Variants in ITGAM observed in about 807,000 individuals in gnomAD.
ITGAM encodes the protein integrin subunit alpha M.
Under a neutral mutation model 137.5 loss-of-function variants are expected in ITGAM, and 79 were observed. The ratio of observed to expected loss-of-function variants is 0.57; its 90% CI spans 0.48 to 0.69. The LOEUF (loss-of-function observed/expected upper bound fraction) is 0.69. ITGAM is among the 30% of genes least tolerant of loss of function. The pLI is 0.00. For synonymous variants in ITGAM, 583 were observed against 592.3 expected, an observed-to-expected ratio of 0.98 and a Z score of 0.23; for missense variants, 1,343 against 1,483.5, an observed-to-expected ratio of 0.91 and a Z score of 1.56.
intron 14 of ITGAM, among the ~76,000 whole-genome samples, chr16:31,306,656 A>C (rs34072967): frequency 0.4 from 60,574 of 151,730 alleles, 16,305 homozygotes; most frequent in African/African-American, 0.77. Flanking sequence ...GGATTACAGG[A>C]GTGCGCCACC....
intron 2 of ITGAM, among the ~76,000 whole-genome samples, chr16:31,263,562 T>C (rs2079729236): frequency 6.6e-6 from 1 of 152,042 alleles, no homozygotes; most frequent in Non-Finnish European, 1.5e-5. Flanking sequence ...ATCGAGTAGG[T>C]GAGAAGTGGT....
chr16:31,265,970 G>A, intron 4 of ITGAM, 60 bp from the exon 5 acceptor site: 2 of 1,590,390 alleles, frequency 1.3e-6, no homozygotes, highest in Non-Finnish European at 1.7e-6. Flanking sequence ...GAGGGTGGAG[G>A]TGCTGGGGTA....
intron 16 of ITGAM, among the ~76,000 whole-genome samples, chr16:31,322,089 G>C (rs2080456930): frequency 6.6e-6 from 1 of 152,154 alleles, no homozygotes; most frequent in African/African-American, 2.4e-5. Flanking sequence ...ACTGTCTCTA[G>C]TAGTGACAGC....
At chr16:31,301,137 C>T (rs1803957721) in intron 14 of ITGAM, among the ~76,000 whole-genome samples, 1 of 152,160 alleles carries the variant, frequency 6.6e-6, no homozygotes, top group Admixed American at 6.6e-5. Context: ...GTGTCATAGC[C>T]ATAAACTCAT....
chr16:31,315,462 A>G (rs2080381222), intron 14 of ITGAM, among the ~76,000 whole-genome samples: 1 of 151,572 alleles, frequency 6.6e-6, no homozygotes, highest in Admixed American at 6.6e-5. Flanking sequence ...TTATTTTTTA[A>G]TTTAATTTTA....
intron 14 of ITGAM, among the ~76,000 whole-genome samples, chr16:31,306,838 A>T (rs1019920902): frequency 6.6e-6 from 1 of 152,140 alleles, no homozygotes; most frequent in Non-Finnish European, 1.5e-5. Context: ...CTTTTAAATC[A>T]TGTTTAACAG....
chr16:31,319,548 T>C (rs972188156), intron 14 of ITGAM, among the ~76,000 whole-genome samples: 3 of 152,178 alleles, frequency 2.0e-5, no homozygotes, highest in African/African-American at 7.2e-5. Context: ...TTAGCCTATG[T>C]GTCAGTAAAT....
chr16:31,285,039 G>A (rs2080013657), intron 12 of ITGAM, among the ~76,000 whole-genome samples: 1 of 152,092 alleles, frequency 6.6e-6, no homozygotes, highest in African/African-American at 2.4e-5. Context: ...AGCTCCCCGA[G>A]TGAGCAATTC....
chr16:31,265,714 C>T, intron 3 of ITGAM, 97 bp from the exon 4 acceptor site: 1 of 1,048,666 alleles, frequency 9.5e-7, no homozygotes, highest in South Asian at 1.4e-5. Context: ...ACCGTCAGAC[C>T]TCCTTGTCTC....
chr16:31,266,253 TG>T, intron 5 of ITGAM, 106 bp downstream of exon 5: 1 of 732,446 alleles, frequency 1.4e-6, no homozygotes. Context: ...TGCAGAAGAG[TG>T]GGGGAACTGG....
chr16:31,276,558 C>G, intron 9 of ITGAM, 113 bp from the exon 10 acceptor site: 2 of 717,228 alleles, frequency 2.8e-6, no homozygotes, highest in Non-Finnish European at 4.8e-6. Flanking sequence ...TCTCTAACTC[C>G]TGACCTCAAG....
intron 14 of ITGAM, among the ~76,000 whole-genome samples, chr16:31,299,650 C>T (rs976882498): frequency 2.0e-5 from 3 of 152,132 alleles, no homozygotes; most frequent in African/African-American, 2.4e-5. Flanking sequence ...GAAACCACGC[C>T]GTATTCATCC....
At position 31,297,839 on chromosome 16, in the gene ITGAM, A is replaced by G. The variant is rs148255137; in HGVS notation, c.1592A>G (p.Asn531Ser). The G allele has an allele frequency of 1.8e-4, 288 of 1,613,836 alleles. 3 individuals are homozygous for G. The East Asian group carries it at 6.2e-3, about 35-fold the overall frequency. ...GAALTVLGDV[N>S]GDKLTDVAIG... Reference sequence around the variant, plus strand: ...GCCCTAACAGTGCTGGGGGACGTAAATGGGGACAAGCTGACGGACGTGGCC... The same window carrying G: ...GCCCTAACAGTGCTGGGGGACGTAAGTGGGGACAAGCTGACGGACGTGGCC... Residue 531 changes from asparagine (N) to serine (S), a missense_variant, in exon 14 of 30, where the codon AAT becomes AGT. Asn to Ser is a conservative substitution (Grantham distance 46). Transcript: ENST00000544665.
chr16:31,277,953 AC>A lies in ITGAM; in HGVS notation c.1214-9del, dbSNP rs748500415. 1.3e-6 allele frequency: 2 copies of A among 1,578,938 alleles called. No individual in the cohort carries two copies. The highest frequency in any genetic ancestry group is 1.7e-6 in the Non-Finnish European group (2 of 1,162,100). On this transcript the variant is annotated splice_polypyrimidine_tract_variant and intron_variant, in intron 11 of 29. Coordinates refer to ENST00000544665, the MANE Select transcript of ITGAM (RefSeq NM_000632.4). ...GCAGGGAATGCACTTCACCTCTCAG[AC>A]CCCCACCTTCAGGTTATGCTGCCGC...
chr16:31,298,132 C>T (rs1597009264), intron 14 of ITGAM, among the ~76,000 whole-genome samples, 178 bp downstream of exon 14: 1 of 144,238 alleles, frequency 6.9e-6, no homozygotes, highest in Admixed American at 7.3e-5. Flanking sequence ...CTTTGGAAGG[C>T]TGAGTTGGGA....
chr16:31,328,103 T>C (rs780013043), intron 22 of ITGAM, 44 bp from the exon 23 acceptor site: 1 of 1,447,728 alleles, frequency 6.9e-7, no homozygotes, highest in Non-Finnish European at 9.7e-7. Context: ...AAAGACTAAC[T>C]GTCAGTTCTC....
At position 31,265,850 on chromosome 16, in the gene ITGAM, T is replaced by G. The variant is rs1464970037; in HGVS notation, c.278T>G (p.Leu93Arg). 1.2e-6 allele frequency: 2 copies of G among 1,613,786 alleles called. No individual in the cohort carries two copies. Among genetic ancestry groups the G allele is most frequent in the Non-Finnish European group, 1.7e-6 (2 of 1,179,974 alleles). ...EAVNMSLGLS[L>R]AATTSPPQLL... ...GTGAACATGTCCCTGGGCCTGTCCC[T>G]GGCAGCCACCACCAGCCCCCCTCAG... The change falls in exon 4 of 30, where the codon CTG becomes CGG. Residue 93 changes from leucine (L) to arginine (R), a missense_variant. Transcript: ENST00000544665.
At chr16:31,280,268 G>A (rs2079954281) in intron 12 of ITGAM, among the ~76,000 whole-genome samples, 2 of 152,122 alleles carry the variant, frequency 1.3e-5, no homozygotes, top group South Asian at 4.1e-4. Flanking sequence ...TTCCAATTCT[G>A]TGAAGAAAGT....
Position 31,297,816 on chromosome 16 carries a change from C to T in ITGAM, c.1569C>T (p.Ala523=), listed in dbSNP as rs1567265275. The T allele has an allele frequency of 3.1e-6, 5 of 1,612,698 alleles. No individual in the cohort carries two copies. Among genetic ancestry groups the T allele is most frequent in the Non-Finnish European group, 4.2e-6 (5 of 1,179,476 alleles). ...QGQPWGRFGA[A]LTVLGDVNGD... ...AACCCTGGGGCCGCTTTGGGGCAGC[C>T]CTAACAGTGCTGGGGGACGTAAATG... Residue 523 remains alanine (A), a synonymous_variant, in exon 14 of 30, where the codon GCC becomes GCT. Coordinates refer to ENST00000544665, the MANE Select transcript of ITGAM (RefSeq NM_000632.4).
Sources: gnomAD v4.1 joint callset for allele counts (sites outside exome capture counted in the v4.1 genomes callset) on GRCh38, gnomAD v4.1.1 for gene constraint, MANE v1.5 for transcripts, NCBI Gene and HGNC (gene_info 2026-07-23, HGNC 2026-07-21) for gene names.